The following ODAPH variants were observed in gnomAD, a reference collection of about 807,000 sequenced individuals.
ODAPH encodes amelogenesis imperfecta type IIA4.
In ODAPH, 2 loss-of-function variants were observed where a neutral mutation model predicts 2.8. That is an observed-to-expected ratio of 0.72 (90% CI 0.30 to 2.28). The LOEUF (loss-of-function observed/expected upper bound fraction) is 2.28. Ranked by LOEUF, ODAPH falls within the 30% of genes most tolerant of loss-of-function variation. The pLI is 0.13. For synonymous variants in ODAPH, 75 were observed against 60.3 expected (o/e 1.24, Z -1.13); for missense variants, 159 against 163.3 (o/e 0.97, Z 0.14).
chr4:75,559,807 C>T (rs77442244), intron 1 of ODAPH, among the ~76,000 whole-genome samples: 6,568 of 152,202 alleles, frequency 0.043, 450 homozygotes, highest in African/African-American at 0.14. Context: ...CTGGAGGCAC[C>T]GTGCTAGGGA....
intron 1 of ODAPH, among the ~76,000 whole-genome samples, chr4:75,562,984 C>T (rs1355095027): frequency 1.6e-5 from 2 of 124,570 alleles, no homozygotes; most frequent in Admixed American, 8.7e-5. Context: ...TTATAATTTA[C>T]ATGCAATAAA....
chr4:75,556,461 A>G, intron 1 of ODAPH: 1 of 1,258,596 alleles, frequency 7.9e-7, no homozygotes, highest in Non-Finnish European at 1.1e-6. Context: ...ATCATCTGTG[A>G]AAAACTCTTC....
At chr4:75,564,012 T>C in intron 1 of ODAPH, 102 bp from the exon 2 acceptor site, 1 of 1,023,372 alleles carries the variant, frequency 9.8e-7, no homozygotes, top group Non-Finnish European at 1.5e-6. Flanking sequence ...TTGAGATTTC[T>C]CTAATTCTCT....
Position 75,564,673 on chromosome 4 carries a change from T to A in ODAPH, c.*234T>A, listed in dbSNP as rs1487656184. On this transcript the variant is annotated 3_prime_UTR_variant, in exon 2 of 2. Transcript: ENST00000311623. ...AACCACGTTATTTTTATCCTCAACC[T>A]CTTATGGTCACAGGATATTTATGCA... 14 of 775,680 alleles carry A rather than the reference T, an allele frequency of 1.8e-5. No homozygotes were observed. The highest frequency in any genetic ancestry group is 2.8e-5 in the Non-Finnish European group (14 of 497,030). The allele number at this position is 775,680 out of a possible 1,614,324, so 48.0% of individuals were successfully genotyped here.
In ODAPH at chr4:75,564,098, G is replaced by T. The variant is rs1286296532; in HGVS notation, c.68-16G>T. The T allele has an allele frequency of 1.2e-6, 2 of 1,613,698 alleles. No homozygotes were observed. Among genetic ancestry groups the T allele is most frequent in the Non-Finnish European group, 1.7e-6 (2 of 1,179,724 alleles). Reference sequence around the variant, plus strand: ...TTACCAGACCTGTTTCCTGACTTGCGTTTTCCTCTCCACAGGACAAGAAGA... The same window carrying T: ...TTACCAGACCTGTTTCCTGACTTGCTTTTTCCTCTCCACAGGACAAGAAGA... On this transcript the variant is annotated splice_polypyrimidine_tract_variant and intron_variant, in intron 1 of 1. Coordinates refer to ENST00000311623, the MANE Select transcript of ODAPH (RefSeq NM_178497.5).
At chr4:75,560,798 T>C (rs549420929) in intron 1 of ODAPH, among the ~76,000 whole-genome samples, 546 of 151,702 alleles carry the variant, frequency 3.6e-3, no homozygotes, top group Non-Finnish European at 5.5e-3. Flanking sequence ...TTTCTAGAAA[T>C]GAAATGAGCA....
chr4:75,565,628 C>G (rs1727782296), downstream of ODAPH: 1 of 152,186 alleles, frequency 6.6e-6, no homozygotes. Flanking sequence ...TAAAACACAT[C>G]TTCCTGTTTA....
In ODAPH at chr4:75,564,274, A is replaced by G. The variant is rs765343106; in HGVS notation, c.228A>G (p.Pro76=). 1 of 1,614,142 alleles carries G rather than the reference A, an allele frequency of 6.2e-7. No homozygotes were observed. The highest frequency in any genetic ancestry group is 2.2e-5 in the East Asian group (1 of 44,884). Residue 76 remains proline (P), a synonymous_variant, in exon 2 of 2, where the codon CCA becomes CCG. Transcript: ENST00000311623. ...KTPRCPFHFF[P]RRPRIHFRFP... is the part of the protein sequence containing the mutation. ...CCAGGTGTCCCTTCCATTTTTTTCC[A>G]CGAAGGCCCAGAATCCATTTTAGGT...
At chr4:75,560,685 AAG>A (rs1017197909) in intron 1 of ODAPH, among the ~76,000 whole-genome samples, 2 of 152,240 alleles carry the variant, frequency 1.3e-5, no homozygotes, top group African/African-American at 2.4e-5. Flanking sequence ...TTCCCAGAAA[AAG>A]AGAGCACTGA....
intron 1 of ODAPH, chr4:75,556,733 T>C: frequency 1.5e-6 from 1 of 671,396 alleles, no homozygotes; most frequent in Non-Finnish European, 2.6e-6. Flanking sequence ...TTGTTCCCAC[T>C]ACAAAATGTG....
intron 1 of ODAPH, among the ~76,000 whole-genome samples, chr4:75,560,179 G>A (rs2148842405): frequency 6.6e-6 from 1 of 152,294 alleles, no homozygotes; most frequent in East Asian, 1.9e-4. Context: ...ATCAGTAGGT[G>A]TACAGACTTT....
At position 75,564,397 on chromosome 4, in the gene ODAPH, CAGA is replaced by C. The variant is rs765386366; in HGVS notation, c.358_360del (p.Arg120del). 7 of 1,614,094 alleles carry C rather than the reference CAGA, an allele frequency of 4.3e-6. No homozygotes were observed. The highest frequency in any genetic ancestry group is 2.2e-5 in the South Asian group (2 of 91,080). ...GTTACCTTACTTATAGGTATTTCCC[CAGA>C]AGAAGACTCCAGAGAGGAAGCTCAT... On this transcript the variant is annotated inframe_deletion, in exon 2 of 2. Transcript: ENST00000311623.
At chr4:75,563,909 C>A (rs551718822) in intron 1 of ODAPH, among the ~76,000 whole-genome samples, 58 of 152,306 alleles carry the variant, frequency 3.8e-4, no homozygotes, top group African/African-American at 1.3e-3. Context: ...TCATTCATTT[C>A]TCTTGGGTAA....
intron 1 of ODAPH, among the ~76,000 whole-genome samples, chr4:75,563,005 CTTTTTTTTTTTTTTTTTTTTTTTT>C (rs542417085): frequency 3.4e-5 from 2 of 59,536 alleles, no homozygotes; most frequent in East Asian, 5.8e-4. Context: ...ATCCACACAT[CTTTTTTTTTTTTTTTTTTTTTTTT>C]TTTTTTTTTT....
rs563697262 is a variant in ODAPH, at chr4:75,564,255, G to A, written c.209G>A (p.Cys70Tyr). The A allele has an allele frequency of 6.2e-7, 1 of 1,614,196 alleles. No individual in the cohort carries two copies. Among genetic ancestry groups the A allele is most frequent in the South Asian group, 1.1e-5 (1 of 91,090 alleles). ...CAGCCCATCACAAAGACACCCAGGT[G>A]TCCCTTCCATTTTTTTCCACGAAGG... ...RAQPITKTPRCPFHFFPRRPR... is the reference protein window; with the variant it reads ...RAQPITKTPRYPFHFFPRRPR... Residue 70 changes from cysteine (C) to tyrosine (Y), a missense_variant, in exon 2 of 2, where the codon TGT becomes TAT. Coordinates refer to ENST00000311623, the MANE Select transcript of ODAPH (RefSeq NM_178497.5).
At chr4:75,558,148 T>G (rs779939776) in intron 1 of ODAPH, among the ~76,000 whole-genome samples, 12 of 152,162 alleles carry the variant, frequency 7.9e-5, no homozygotes, top group Non-Finnish European at 1.5e-5. Flanking sequence ...GAGCCCCTAA[T>G]GTAGTAACCT....
intron 1 of ODAPH, among the ~76,000 whole-genome samples, chr4:75,562,846 A>AT (rs1355144428): frequency 1.3e-5 from 2 of 152,052 alleles, no homozygotes; most frequent in African/African-American, 4.8e-5. Context: ...CTGCTTGTAG[A>AT]TGGTCCCTCC....
rs1294183610 is a variant in ODAPH, at chr4:75,564,721, C to T, written c.*282C>T. 1.7e-6 allele frequency: 1 copy of T among 603,120 alleles called. No individual in the cohort carries two copies. The highest frequency in any genetic ancestry group is 3.1e-5 in the Admixed American group (1 of 32,786). The allele number at this position is 603,120 out of a possible 1,614,324, so 37.4% of individuals were successfully genotyped here. On this transcript the variant is annotated 3_prime_UTR_variant, in exon 2 of 2. Coordinates refer to ENST00000311623, the MANE Select transcript of ODAPH (RefSeq NM_178497.5). ...GCAAATAAAATCTTTAAATGGGTGGCTCTAGTAATTCCTATCCATACTAAG... is the reference window on the plus strand; with the variant it reads ...GCAAATAAAATCTTTAAATGGGTGGTTCTAGTAATTCCTATCCATACTAAG...
At chr4:75,562,375 C>T (rs1378540596) in intron 1 of ODAPH, among the ~76,000 whole-genome samples, 1 of 146,550 alleles carries the variant, frequency 6.8e-6, no homozygotes, top group African/African-American at 2.5e-5. Context: ...GTTTTGCTCT[C>T]GTTGCCCAGG....
Sources: gnomAD v4.1 joint callset for allele counts (sites outside exome capture counted in the v4.1 genomes callset) on GRCh38, gnomAD v4.1.1 for gene constraint, MANE v1.5 for transcripts, NCBI Gene and HGNC (gene_info 2026-07-23, HGNC 2026-07-21) for gene names.